Variants in CHODL observed in about 807,000 individuals in gnomAD.
CHODL encodes transmembrane protein MT75.
CHODL carries 29 observed loss-of-function variants against 34.5 expected under a neutral mutation model. That is an observed-to-expected ratio of 0.84 (90% confidence interval 0.63 to 1.15). The LOEUF (loss-of-function observed/expected upper bound fraction) is 1.15, where lower values mean the gene tolerates loss of function less well. Ranked by LOEUF, CHODL falls within the 50% of genes most tolerant of loss-of-function variation. The pLI, the probability that CHODL is intolerant of heterozygous loss-of-function variation, is 0.00. For synonymous variants in CHODL, 125 were observed against 116.1 expected, an observed-to-expected ratio of 1.08 and a Z score of -0.49; for missense variants, 332 against 332.5, an observed-to-expected ratio of 1.00 and a Z score of 0.01.
chr21:18,096,800 T>C (rs973249872), intron 2 of CHODL, among the ~76,000 whole-genome samples: 3 of 152,288 alleles, frequency 2.0e-5, no homozygotes, highest in African/African-American at 7.2e-5. Flanking sequence ...GCATGTGATC[T>C]CTGTGACCCA....
chr21:18,212,458 C>A (rs2073783802), intron 2 of CHODL, among the ~76,000 whole-genome samples: 1 of 152,108 alleles, frequency 6.6e-6, no homozygotes, highest in South Asian at 2.1e-4. Context: ...AAGCCTATAC[C>A]TTTAGACTTA....
At chr21:18,107,358 A>G (rs1383645888) in intron 2 of CHODL, among the ~76,000 whole-genome samples, 4 of 152,228 alleles carry the variant, frequency 2.6e-5, no homozygotes, top group Admixed American at 6.5e-5. Flanking sequence ...CAAACAGCAG[A>G]GAACATCAGA....
intron 2 of CHODL, among the ~76,000 whole-genome samples, chr21:18,164,246 A>G (rs1226277332): frequency 6.6e-6 from 1 of 152,242 alleles, no homozygotes. Context: ...CTTGCAATCC[A>G]GATGGCAAGT....
rs551789747 is a variant in CHODL at position 18,132,121 on chromosome 21, T to C, written c.-45+104150T>C. Among the ~76,000 whole-genome samples, 10 of 152,272 alleles carry C rather than the reference T, an allele frequency of 6.6e-5. No individual in the cohort carries two copies. In the East Asian group the frequency reaches 1.9e-3, roughly 29 times the overall value. ...TATACTTTAAGTTTTAGGGTATATG[T>C]GCACAATATGCAGGTTTGTTACATA... On this transcript the variant is annotated intron_variant, in intron 2 of 6. Coordinates refer to the CHODL transcript ENST00000400127.
chr21:18,109,591 C>T (rs1217056906), intron 2 of CHODL, among the ~76,000 whole-genome samples: 1 of 152,106 alleles, frequency 6.6e-6, no homozygotes, highest in Non-Finnish European at 1.5e-5. Context: ...TGCTGTTTTA[C>T]CTCTTTCATT....
At chr21:18,010,252 G>A (rs552452763) in intron 1 of CHODL, among the ~76,000 whole-genome samples, 2 of 128,492 alleles carry the variant, frequency 1.6e-5, no homozygotes, top group Non-Finnish European at 3.1e-5. Context: ...AGCCGAGATC[G>A]CGCCACTGGA....
chr21:18,071,121 T>C (rs1241122456), intron 2 of CHODL, among the ~76,000 whole-genome samples: 1 of 150,858 alleles, frequency 6.6e-6, no homozygotes, highest in African/African-American at 2.4e-5. Flanking sequence ...ATCCTACTCT[T>C]CCTACTTTGG....
At chr21:18,030,750 A>G (rs1456230986) in intron 2 of CHODL, among the ~76,000 whole-genome samples, 2 of 152,196 alleles carry the variant, frequency 1.3e-5, no homozygotes, top group African/African-American at 2.4e-5. Context: ...GTATTCAATA[A>G]GAAAACACTT....
At chr21:17,931,939 C>A (rs546373428) in intron 1 of CHODL, among the ~76,000 whole-genome samples, 1 of 152,082 alleles carries the variant, frequency 6.6e-6, no homozygotes, top group Non-Finnish European at 1.5e-5. Flanking sequence ...GCAACAAGAA[C>A]AAAAATAGAC....
At chr21:17,933,644 C>T (rs1178660508) in intron 1 of CHODL, among the ~76,000 whole-genome samples, 4 of 147,892 alleles carry the variant, frequency 2.7e-5, no homozygotes, top group Non-Finnish European at 6.0e-5. Flanking sequence ...CTTCTTTCTA[C>T]ACAGACACAG....
intron 5 of CHODL, among the ~76,000 whole-genome samples, chr21:18,263,728 G>A (rs1023738138): frequency 2.6e-5 from 4 of 152,116 alleles, no homozygotes; most frequent in East Asian, 3.9e-4. Flanking sequence ...ACTGATCAAG[G>A]GGATGCCTCC....
At chr21:18,022,755 C>T (rs973788680) in intron 1 of CHODL, among the ~76,000 whole-genome samples, 1 of 152,180 alleles carries the variant, frequency 6.6e-6, no homozygotes, top group Non-Finnish European at 1.5e-5. Flanking sequence ...TTTCTAAACT[C>T]AATTCAACAT....
In CHODL at chr21:18,179,044, A is replaced by G. The variant is rs564533953; in HGVS notation, c.-44-77465A>G. Among the ~76,000 whole-genome samples, 22 of 152,278 alleles carry G rather than the reference A, an allele frequency of 1.4e-4. No individual in the cohort carries two copies. In the South Asian group the frequency reaches 4.6e-3, roughly 32 times the overall value. ...TTTCTTCTGTTGATAAGAATTAAAT[A>G]TTGTTAAAAAGAAAGCTAACCACCC... On this transcript the variant is annotated intron_variant, in intron 2 of 6. Coordinates refer to the CHODL transcript ENST00000400127.
chr21:18,123,905 C>T lies in CHODL; in HGVS notation c.-45+95934C>T, dbSNP rs184273240. The stretch of plus-strand genomic sequence containing the variant: ...TTTTGATACTATAAAGCCTGCAACC[C>T]GGCGCGGTGGCTCACGCCTGTAATC... On this transcript the variant is annotated intron_variant, in intron 2 of 6. Coordinates refer to the CHODL transcript ENST00000400127. 8.1e-3 allele frequency among the ~76,000 whole-genome samples: 1,226 copies of T among 152,146 alleles called. 19 individuals are homozygous for T. Among genetic ancestry groups the T allele is most frequent in the African/African-American group, 0.028 (1,163 of 41,516 alleles).
intron 2 of CHODL, among the ~76,000 whole-genome samples, chr21:18,130,786 T>C (rs1568901796): frequency 6.6e-6 from 1 of 152,098 alleles, no homozygotes; most frequent in Non-Finnish European, 1.5e-5. Context: ...TATGTCATGG[T>C]TTCCACTAAA....
intron 1 of CHODL, among the ~76,000 whole-genome samples, chr21:17,927,419 A>G (rs2063237918): frequency 6.6e-6 from 1 of 152,050 alleles, no homozygotes; most frequent in South Asian, 2.1e-4. Context: ...CTGTTCTTAT[A>G]TTTAGAAGGT....
At chr21:18,038,844 A>G (rs1305376522) in intron 2 of CHODL, among the ~76,000 whole-genome samples, 1 of 151,722 alleles carries the variant, frequency 6.6e-6, no homozygotes, top group Non-Finnish European at 1.5e-5. Flanking sequence ...CAAATAATCT[A>G]GTGGCAAACA....
At chr21:18,214,592 A>C (rs1018547295) in intron 2 of CHODL, among the ~76,000 whole-genome samples, 4 of 152,166 alleles carry the variant, frequency 2.6e-5, no homozygotes, top group Admixed American at 2.0e-4. Flanking sequence ...TTGAGGAAGC[A>C]ATCTACTTTC....
intron 2 of CHODL, among the ~76,000 whole-genome samples, chr21:18,038,500 C>T (rs990335629): frequency 4.0e-5 from 6 of 151,668 alleles, no homozygotes; most frequent in Admixed American, 6.6e-5. Context: ...TAGTTAAAGT[C>T]GTTTCTGAGA....
Sources: allele counts gnomAD v4.1 joint callset (sites outside exome capture counted in the v4.1 genomes callset), GRCh38; gene constraint gnomAD v4.1.1; transcripts MANE v1.5; gene names NCBI Gene and HGNC (gene_info 2026-07-23, HGNC 2026-07-21).